Variants in REDIC1 observed in about 807,000 individuals in gnomAD.
The protein encoded by REDIC1 is regulator of DNA class I crossover intermediates 1, also known as HEI10 Interacting Protein 1.
the REDIC1 span, among the ~76,000 whole-genome samples, chr12:39,854,992 A>G: frequency 6.6e-6 from 1 of 152,140 alleles, no homozygotes; most frequent in Non-Finnish European, 1.5e-5. Flanking sequence ...TTACATCTCT[A>G]TTTCATTAAC....
the REDIC1 span, among the ~76,000 whole-genome samples, chr12:39,704,660 T>G: frequency 6.6e-6 from 1 of 152,220 alleles, no homozygotes; most frequent in African/African-American, 2.4e-5. Flanking sequence ...TAGCAAAGAC[T>G]TGGAACCAAC....
the REDIC1 span, among the ~76,000 whole-genome samples, chr12:39,637,498 TAGTACATA>T: frequency 1.3e-5 from 2 of 152,114 alleles, no homozygotes; most frequent in Non-Finnish European, 2.9e-5. Flanking sequence ...TTGAGTGTTG[TAGTACATA>T]AGTCGAAGAA....
chr12:39,907,540 A>T, the REDIC1 span: 2 of 152,154 alleles, frequency 1.3e-5, no homozygotes, highest in African/African-American at 4.8e-5. Context: ...CTAATATAGA[A>T]TCTGCCCATA....
At chr12:39,693,966 G>A in the REDIC1 span, among the ~76,000 whole-genome samples, 2 of 152,198 alleles carry the variant, frequency 1.3e-5, no homozygotes, top group African/African-American at 4.8e-5. Context: ...CAGGGATTGT[G>A]GTCAAACTTA....
the REDIC1 span, among the ~76,000 whole-genome samples, chr12:39,815,239 C>T: frequency 6.6e-6 from 1 of 151,836 alleles, no homozygotes; most frequent in Non-Finnish European, 1.5e-5. Context: ...TCCCATATGC[C>T]CAAATATGAA....
the REDIC1 span, among the ~76,000 whole-genome samples, chr12:39,700,889 G>C: frequency 1.0e-2 from 1,514 of 152,160 alleles, 19 homozygotes; most frequent in Non-Finnish European, 0.017. Context: ...CAAATGCTGA[G>C]AGATTTTGTC....
At chr12:39,711,771 G>GCATGTGTATGTGTGTGTA in the REDIC1 span, among the ~76,000 whole-genome samples, 36 of 104,760 alleles carry the variant, frequency 3.4e-4, no homozygotes, top group Admixed American at 2.3e-3. Flanking sequence ...ATGTGTGTGT[G>GCATGTGTATGTGTGTGTA]CACATGCATG....
At chr12:39,879,975 G>C in the REDIC1 span, among the ~76,000 whole-genome samples, 1 of 152,208 alleles carries the variant, frequency 6.6e-6, no homozygotes, top group Non-Finnish European at 1.5e-5. Context: ...TCATGGTTTG[G>C]TCCTGTCTTA....
At chr12:39,799,633 T>C in the REDIC1 span, among the ~76,000 whole-genome samples, 2,588 of 152,148 alleles carry the variant, frequency 0.017, 79 homozygotes, top group African/African-American at 0.059. Context: ...TCAAAAAGAT[T>C]GGAAAAATCA....
At chr12:39,728,780 C>CTTTTTTT in the REDIC1 span, among the ~76,000 whole-genome samples, 5 of 92,172 alleles carry the variant, frequency 5.4e-5, no homozygotes, top group African/African-American at 1.7e-4. Flanking sequence ...TGGTCCTGGG[C>CTTTTTTT]TTTTTTTTTT....
At chr12:39,835,434 T>A in the REDIC1 span, among the ~76,000 whole-genome samples, 2 of 152,094 alleles carry the variant, frequency 1.3e-5, no homozygotes, top group East Asian at 3.9e-4. Context: ...TGCTCTACAT[T>A]AAGAAACTTT....
the REDIC1 span, among the ~76,000 whole-genome samples, chr12:39,827,605 A>G: frequency 0.015 from 2,293 of 152,158 alleles, 27 homozygotes; most frequent in Middle Eastern, 0.024. Context: ...TGCATGTTGG[A>G]GGTGTAGGGG....
At chr12:39,682,727 A>G in the REDIC1 span, 2 of 1,613,448 alleles carry the variant, frequency 1.2e-6, no homozygotes, top group African/African-American at 1.3e-5. Context: ...TCAATACAGC[A>G]TATTTGGGGG....
chr12:39,829,837 G>C, the REDIC1 span: 2 of 409,218 alleles, frequency 4.9e-6, no homozygotes, highest in Non-Finnish European at 9.0e-6. Context: ...TTTGTGAATA[G>C]CTGCCTAAAA....
At chr12:39,810,349 AAT>A in the REDIC1 span, among the ~76,000 whole-genome samples, 1 of 152,234 alleles carries the variant, frequency 6.6e-6, no homozygotes, top group Non-Finnish European at 1.5e-5. Context: ...ATAGAAATAA[AAT>A]ATATTTTTCT....
chr12:39,725,544 T>C, the REDIC1 span, among the ~76,000 whole-genome samples: 19 of 152,098 alleles, frequency 1.2e-4, no homozygotes, highest in Admixed American at 1.2e-3. Flanking sequence ...CGCAGTACTG[T>C]CTCTGTTGGT....
chr12:39,742,427 A>G, the REDIC1 span, among the ~76,000 whole-genome samples: 1 of 152,172 alleles, frequency 6.6e-6, no homozygotes, highest in Admixed American at 6.5e-5. Flanking sequence ...GCACCTTCAC[A>G]TTAGTTAAGA....
the REDIC1 span, among the ~76,000 whole-genome samples, chr12:39,886,161 T>A: frequency 6.6e-6 from 1 of 152,114 alleles, no homozygotes; most frequent in South Asian, 2.1e-4. Flanking sequence ...GAAAGAAAGA[T>A]GATCAATTTT....
At chr12:39,842,394 T>C in the REDIC1 span, among the ~76,000 whole-genome samples, 1 of 152,074 alleles carries the variant, frequency 6.6e-6, no homozygotes, top group Non-Finnish European at 1.5e-5. Flanking sequence ...TCAAATCAGA[T>C]ATTTTTTCTA....
Sources: allele counts gnomAD v4.1 joint callset (sites outside exome capture counted in the v4.1 genomes callset), GRCh38; gene constraint gnomAD v4.1.1; transcripts MANE v1.5; gene names NCBI Gene and HGNC (gene_info 2026-07-23, HGNC 2026-07-21).